ATF7IP2: variants seen among roughly 807,000 people sequenced by gnomAD.
ATF7IP2 encodes the protein activating transcription factor 7 interacting protein 2, also known as activating transcription factor 7-interacting protein 2.
ATF7IP2 carries 42 observed loss-of-function variants against 64.2 expected under a neutral mutation model. That is an observed-to-expected ratio of 0.65 (90% CI 0.51 to 0.85). ATF7IP2 has a LOEUF of 0.85. ATF7IP2 is among the 40% of genes least tolerant of loss of function. ATF7IP2 has a pLI of 0.00. For missense variants in ATF7IP2, 933 were observed against 784.2 expected, an observed-to-expected ratio of 1.19 and a Z score of -2.27; for synonymous variants, 308 against 272.8, an observed-to-expected ratio of 1.13 and a Z score of -1.27.
intron 8 of ATF7IP2, among the ~76,000 whole-genome samples, chr16:10,444,031 G>T (rs2048718917): frequency 6.6e-6 from 1 of 152,130 alleles, no homozygotes; most frequent in Non-Finnish European, 1.5e-5. Flanking sequence ...TGAGAGTTAG[G>T]GGTGGGTTCT....
intron 13 of ATF7IP2, among the ~76,000 whole-genome samples, chr16:10,481,373 CG>C (rs1567183546): frequency 7.6e-5 from 3 of 39,280 alleles, no homozygotes; most frequent in Non-Finnish European, 1.4e-4. Flanking sequence ...TGGGATTTCC[CG>C]AGTAGCTGGG....
Position 10,482,259 on chromosome 16 carries a change from A to G in ATF7IP2, c.*10A>G, listed in dbSNP as rs1300209206. On this transcript the variant is annotated 3_prime_UTR_variant, in exon 14 of 14. Transcript: ENST00000562102. ...TGAAAATCTTACGTAAAAGGTGTTT[A>G]ATAATGATATACTACTTTTTTTTTC... The G allele has an allele frequency of 6.5e-7, 1 of 1,536,932 alleles. No individual in the cohort carries two copies.
intron 1 of ATF7IP2, among the ~76,000 whole-genome samples, chr16:10,389,450 C>T (rs1049182368): frequency 7.2e-5 from 11 of 152,116 alleles, no homozygotes; most frequent in Non-Finnish European, 1.2e-4. Flanking sequence ...ATTACAAGAA[C>T]GTCTTTATAA....
At chr16:10,398,315 AAT>A (rs2047459475) in intron 1 of ATF7IP2, among the ~76,000 whole-genome samples, 1 of 119,642 alleles carries the variant, frequency 8.4e-6, no homozygotes, top group Non-Finnish European at 1.7e-5. Context: ...AAAAAAAAAA[AAT>A]AATAATAAAT....
At chr16:10,426,922 G>A (rs983848364) in intron 3 of ATF7IP2, among the ~76,000 whole-genome samples, 4 of 149,840 alleles carry the variant, frequency 2.7e-5, no homozygotes, top group African/African-American at 4.9e-5. Flanking sequence ...GTGTGATCTC[G>A]GCTCACTGCA....
rs542176148 is a variant in ATF7IP2 at position 10,430,733 on chromosome 16, T to C, written c.113T>C (p.Leu38Pro). Residue 38 changes from leucine (L) to proline (P), a missense_variant, in exon 5 of 14, where the codon CTG becomes CCG. Coordinates refer to ENST00000562102, the MANE Select transcript of ATF7IP2 (RefSeq NM_001393719.1). ...AATAAGTCAAGGAATGTTGAAGCGC[T>C]GAAAACAGCAATTGGGAGTAATGTT... is the stretch of plus-strand genomic sequence containing the variant. ...MLNKSRNVEALKTAIGSNVPS... is the reference protein window; with the variant it reads ...MLNKSRNVEAPKTAIGSNVPS... 1.4e-5 allele frequency: 23 copies of C among 1,614,142 alleles called. No individual in the cohort carries two copies. In the African/African-American group the frequency reaches 1.9e-4, roughly 13 times the overall value.
At position 10,482,748 on chromosome 16, in the gene ATF7IP2, G is replaced by A. The variant is rs979943242; in HGVS notation, c.*499G>A. On this transcript the variant is annotated 3_prime_UTR_variant, in exon 14 of 14. Coordinates refer to ENST00000562102, the MANE Select transcript of ATF7IP2 (RefSeq NM_001393719.1). Reference sequence around the variant, plus strand: ...TAAAAATTAAAAGATTTTTTTTTTTGAGATGGAATATTGCTCTGTTGCCCA... The same window carrying A: ...TAAAAATTAAAAGATTTTTTTTTTTAAGATGGAATATTGCTCTGTTGCCCA... The A allele has an allele frequency of 6.7e-6, 1 of 150,108 alleles. No homozygotes were observed. Among genetic ancestry groups the A allele is most frequent in the African/African-American group, 2.5e-5 (1 of 40,776 alleles). 9.3% of individuals were successfully genotyped at this position (150,108 alleles called of 1,614,324 possible).
intron 1 of ATF7IP2, among the ~76,000 whole-genome samples, chr16:10,401,922 G>T (rs2047543695): frequency 6.6e-6 from 1 of 151,862 alleles, no homozygotes. Context: ...AGTCTCTGTT[G>T]TTGTTTTGTA....
In ATF7IP2 at chr16:10,440,445, A is replaced by C; in HGVS notation, c.1177A>C (p.Ser393Arg). 1 of 1,542,576 alleles carries C rather than the reference A, an allele frequency of 6.5e-7. No homozygotes were observed. Among genetic ancestry groups the C allele is most frequent in the South Asian group, 1.2e-5 (1 of 82,894 alleles). ...RNCLKPNMLSSNGASKVANSE... is the reference protein window; with the variant it reads ...RNCLKPNMLSRNGASKVANSE... ...TTGTTTGAAACCAAACATGTTATCC[A>C]GTAATGGAGCCTCTAAGGTTTGTAT... Residue 393 changes from serine (S) to arginine (R), a missense_variant, in exon 8 of 14, where the codon AGT becomes CGT. Transcript: ENST00000562102.
At chr16:10,465,894 C>G (rs145798166) in intron 9 of ATF7IP2, among the ~76,000 whole-genome samples, 1 of 152,140 alleles carries the variant, frequency 6.6e-6, no homozygotes, top group East Asian at 1.9e-4. Flanking sequence ...GCTTTATATA[C>G]AGACATAATT....
At chr16:10,468,110 C>T (rs952036979) in intron 9 of ATF7IP2, among the ~76,000 whole-genome samples, 2 of 149,224 alleles carry the variant, frequency 1.3e-5, no homozygotes, top group African/African-American at 5.1e-5. Context: ...GAACTCCCGA[C>T]CTCAGGTGAT....
chr16:10,389,421 G>T (rs578007679), intron 1 of ATF7IP2, among the ~76,000 whole-genome samples: 2 of 152,240 alleles, frequency 1.3e-5, no homozygotes, highest in African/African-American at 4.8e-5. Context: ...ATAAGACCTG[G>T]CTATAGGAAA....
intron 6 of ATF7IP2, among the ~76,000 whole-genome samples, chr16:10,435,895 A>G (rs532105521): frequency 6.6e-6 from 1 of 152,200 alleles, no homozygotes. Flanking sequence ...GATGAGGAAC[A>G]CTGTTAGAGA....
intron 8 of ATF7IP2, among the ~76,000 whole-genome samples, chr16:10,450,831 T>C (rs1445460662): frequency 6.6e-6 from 1 of 152,144 alleles, no homozygotes; most frequent in Non-Finnish European, 1.5e-5. Flanking sequence ...GTTAATATTG[T>C]TATGTGTGAA....
At chr16:10,426,441 A>C (rs962476409) in intron 3 of ATF7IP2, among the ~76,000 whole-genome samples, 1 of 152,232 alleles carries the variant, frequency 6.6e-6, no homozygotes, top group African/African-American at 2.4e-5. Flanking sequence ...TCTCATGCAG[A>C]CATTTTCCAG....
chr16:10,400,398 G>A (rs1342656112), intron 1 of ATF7IP2, among the ~76,000 whole-genome samples: 1 of 152,138 alleles, frequency 6.6e-6, no homozygotes, highest in African/African-American at 2.4e-5. Flanking sequence ...GAGTTTTTTG[G>A]AAGAGTCTTC....
At chr16:10,475,292 T>C (rs2049961783) in intron 12 of ATF7IP2, among the ~76,000 whole-genome samples, 2 of 152,220 alleles carry the variant, frequency 1.3e-5, no homozygotes, top group African/African-American at 2.4e-5. Context: ...GAAGCTAGAC[T>C]GTGATAAGTT....
chr16:10,412,532 TGAGA>T (rs1236738083), intron 1 of ATF7IP2, among the ~76,000 whole-genome samples: 3 of 152,198 alleles, frequency 2.0e-5, no homozygotes, highest in African/African-American at 7.2e-5. Flanking sequence ...CACTATGGTC[TGAGA>T]GAGTGCTTGA....
At position 10,438,103 on chromosome 16, in the gene ATF7IP2, C is replaced by G; in HGVS notation, c.963C>G (p.Val321=). 6.5e-7 allele frequency: 1 copy of G among 1,536,540 alleles called. No homozygotes were observed. Among genetic ancestry groups the G allele is most frequent in the Middle Eastern group, 1.7e-4 (1 of 5,732 alleles). The change falls in exon 7 of 14, where the codon GTC becomes GTG. Residue 321 remains valine, a splice_region_variant and synonymous_variant. Coordinates refer to ENST00000562102, the MANE Select transcript of ATF7IP2 (RefSeq NM_001393719.1). ...LERQTAFLEQ[V]RHLIQQEIYS... ...TGGTTTTTATTTTAAAATTCTAGGTCAGACATTTGATTCAGCAGGAGATCT... is the reference window on the plus strand; with the variant it reads ...TGGTTTTTATTTTAAAATTCTAGGTGAGACATTTGATTCAGCAGGAGATCT...
Sources: gnomAD v4.1 joint callset for allele counts (sites outside exome capture counted in the v4.1 genomes callset) on GRCh38, gnomAD v4.1.1 for gene constraint, MANE v1.5 for transcripts, NCBI Gene and HGNC (gene_info 2026-07-23, HGNC 2026-07-21) for gene names.